Variants in PIK3R5 observed in about 807,000 individuals in gnomAD.
PIK3R5 encodes phosphoinositide 3-kinase regulatory subunit 5.
PIK3R5 carries 32 observed loss-of-function variants against 94.9 expected under a neutral mutation model. The observed-to-expected ratio is 0.34, with a 90% CI of 0.25 to 0.45. The LOEUF (loss-of-function observed/expected upper bound fraction) is 0.45. Among genes scored for constraint, PIK3R5 ranks in the 20% least tolerant of loss-of-function variants. The pLI, the probability that PIK3R5 is intolerant of heterozygous loss-of-function variation, is 1.00. For missense variants in PIK3R5, 853 were observed against 1,144.6 expected, an observed-to-expected ratio of 0.75 and a Z score of 3.68; for synonymous variants, 443 against 479.4, an observed-to-expected ratio of 0.92 and a Z score of 0.99.
At chr17:8,918,738 A>T (rs576881015) in intron 1 of PIK3R5, among the ~76,000 whole-genome samples, 4 of 152,318 alleles carry the variant, frequency 2.6e-5, no homozygotes, top group Non-Finnish European at 2.9e-5. Context: ...ATTACCACTT[A>T]TAAAGGGGAA....
chr17:8,957,442 T>A (rs1426608298), intron 1 of PIK3R5, among the ~76,000 whole-genome samples: 1 of 152,218 alleles, frequency 6.6e-6, no homozygotes, highest in Non-Finnish European at 1.5e-5. Context: ...TCGTCAAACA[T>A]CTGAAGACAG....
Position 8,885,659 on chromosome 17 carries a change from G to T in PIK3R5, c.2128+570C>A, listed in dbSNP as rs9674756. 7.0e-4 allele frequency among the ~76,000 whole-genome samples: 15 copies of T among 21,374 alleles called. 1 individual carries two copies. Among genetic ancestry groups the T allele is most frequent in the African/African-American group, 3.6e-3 (14 of 3,892 alleles). 14.0% of individuals were successfully genotyped at this position (21,374 alleles called of 152,430 possible). On this transcript the variant is annotated intron_variant, in intron 14 of 18. Transcript: ENST00000447110. The stretch of plus-strand genomic sequence containing the variant: ...CCTCCTGGGTAACCCCGCCTCCCCA[G>T]GGCCCCGCCTCCCCATGGCCCTGCC...
chr17:8,924,767 T>C (rs1411683125), intron 1 of PIK3R5, among the ~76,000 whole-genome samples: 1 of 152,204 alleles, frequency 6.6e-6, no homozygotes, highest in African/African-American at 2.4e-5. Context: ...GAAACCTCTC[T>C]AACAAGAAAA....
intron 1 of PIK3R5, among the ~76,000 whole-genome samples, chr17:8,913,274 A>C (rs144292958): frequency 1.3e-5 from 2 of 152,278 alleles, no homozygotes; most frequent in African/African-American, 4.8e-5. Context: ...CCCATGCCAC[A>C]GTCTGGGTGC....
chr17:8,879,999 G>A lies in PIK3R5; in HGVS notation c.*640C>T, dbSNP rs1329396809. ...CCAAAAGGAGATCAAGAGAGAATCTGTGCCGGGTTCTGAGAGTAGACAGGT... is the reference window on the plus strand; with the variant it reads ...CCAAAAGGAGATCAAGAGAGAATCTATGCCGGGTTCTGAGAGTAGACAGGT... On this transcript the variant is annotated 3_prime_UTR_variant, in exon 19 of 19. Transcript: ENST00000447110. The surrounding 1 kb of genome is among the most constrained non-coding windows in gnomAD (Gnocchi z 4.4). The A allele has an allele frequency of 6.6e-6, 1 of 152,226 alleles. No individual in the cohort carries two copies. Among genetic ancestry groups the A allele is most frequent in the Non-Finnish European group, 1.5e-5 (1 of 68,042 alleles). The allele number at this position is 152,226 out of a possible 1,614,324, so 9.4% of individuals were successfully genotyped here.
Position 8,881,615 on chromosome 17 carries a change from G to C in PIK3R5, c.2382+15C>G, listed in dbSNP as rs762747677. On this transcript the variant is annotated intron_variant, in intron 17 of 18. Coordinates refer to ENST00000447110, the MANE Select transcript of PIK3R5 (RefSeq NM_001142633.3). The surrounding 1 kb of genome is among the most constrained non-coding windows in gnomAD (Gnocchi z 4.8). ...TCTCTTGAGGGTATGGCTGGAAGGA[G>C]AGGGAAGCCCGTACCTGGTTAAAGC... 6.2e-7 allele frequency: 1 copy of C among 1,603,186 alleles called. No individual in the cohort carries two copies. The highest frequency in any genetic ancestry group is 8.5e-7 in the Non-Finnish European group (1 of 1,172,718).
intron 1 of PIK3R5, among the ~76,000 whole-genome samples, chr17:8,931,675 A>G (rs1313469163): frequency 2.0e-5 from 3 of 152,178 alleles, no homozygotes; most frequent in Non-Finnish European, 4.4e-5. Flanking sequence ...GCTCAAGAAG[A>G]CATTAGCTGA....
At position 8,892,937 on chromosome 17, in the gene PIK3R5, A is replaced by G. The variant is rs546766921; in HGVS notation, c.482+649T>C. Among the ~76,000 whole-genome samples the G allele has an allele frequency of 1.3e-5, 2 of 152,304 alleles. No homozygotes were observed. The highest frequency in any genetic ancestry group is 2.9e-5 in the Non-Finnish European group (2 of 68,020). ...TCTAGTGCTTTTCAAACTGCAGGTC[A>G]GGACACAGGAGTGGGTAATGAAATC... is the stretch of plus-strand genomic sequence containing the variant. On this transcript the variant is annotated intron_variant, in intron 6 of 18. Transcript: ENST00000447110. This position sits in a 1 kb window ranked among gnomAD's most constrained non-coding sequence, Gnocchi z 4.3.
At chr17:8,905,576 CT>C in intron 4 of PIK3R5, 92 bp downstream of exon 4, 1 of 847,450 alleles carries the variant, frequency 1.2e-6, no homozygotes, top group Non-Finnish European at 1.8e-6. Flanking sequence ...TCTCTCTCTG[CT>C]TATCTCCAGA....
intron 1 of PIK3R5, among the ~76,000 whole-genome samples, chr17:8,914,947 G>A (rs1384396554): frequency 6.6e-6 from 1 of 152,258 alleles, no homozygotes; most frequent in African/African-American, 2.4e-5. Flanking sequence ...TGGGAAATTG[G>A]TGGCACAGAG....
At chr17:8,923,648 G>A (rs1252004964) in intron 1 of PIK3R5, among the ~76,000 whole-genome samples, 2 of 152,118 alleles carry the variant, frequency 1.3e-5, no homozygotes, top group Non-Finnish European at 2.9e-5. Flanking sequence ...CGAATTCTTT[G>A]GGCACCTGGG....
In PIK3R5 at chr17:8,904,871, G is replaced by A. The variant is rs2151399739; in HGVS notation, c.318C>T (p.Ala106=). The A allele has an allele frequency of 1.2e-6, 2 of 1,613,970 alleles. No homozygotes were observed. Among genetic ancestry groups the A allele is most frequent in the East Asian group, 2.2e-5 (1 of 44,880 alleles). The change falls in exon 5 of 19, where the codon GCC becomes GCT. Residue 106 remains alanine, a synonymous_variant. Transcript: ENST00000447110. This position sits in a 1 kb window ranked among gnomAD's most constrained non-coding sequence, Gnocchi z 5.1. ...PPDSDLLLKA[A]STYHRFLTWP... ...AGGTCAGGAACCGGTGGTAGGTGCT[G>A]GCTGCCTTCAGAAGGAGATCCGAGT...
chr17:8,919,013 C>G (rs2151425700), intron 1 of PIK3R5, among the ~76,000 whole-genome samples: 1 of 152,286 alleles, frequency 6.6e-6, no homozygotes, highest in Non-Finnish European at 1.5e-5. Flanking sequence ...TAGACATTCA[C>G]TATGGTGAGT....
At position 8,881,499 on chromosome 17, in the gene PIK3R5, G is replaced by C. The variant is rs2089657470; in HGVS notation, c.2382+131C>G. 1.3e-6 allele frequency: 1 copy of C among 753,236 alleles called. No individual in the cohort carries two copies. Among genetic ancestry groups the C allele is most frequent in the Non-Finnish European group, 2.3e-6 (1 of 434,556 alleles). 46.7% of individuals were successfully genotyped at this position (753,236 alleles called of 1,614,324 possible). On this transcript the variant is annotated intron_variant, in intron 17 of 18. Coordinates refer to ENST00000447110, the MANE Select transcript of PIK3R5 (RefSeq NM_001142633.3). This position sits in a 1 kb window ranked among gnomAD's most constrained non-coding sequence, Gnocchi z 4.8. ...TCCTCTCTCTCTCACACACACACAA[G>C]TATGTACACACGGGTGTGTATGTGC...
chr17:8,933,875 C>T (rs1478452904), intron 1 of PIK3R5, among the ~76,000 whole-genome samples: 1 of 152,158 alleles, frequency 6.6e-6, no homozygotes, highest in African/African-American at 2.4e-5. Flanking sequence ...ATAACTACTT[C>T]ATGAATGCAT....
In PIK3R5 at chr17:8,959,592, G is replaced by A. The variant is rs78312034; in HGVS notation, c.-14+6004C>T. 8.7e-3 allele frequency among the ~76,000 whole-genome samples: 1,306 copies of A among 150,916 alleles called. 32 individuals are homozygous for A. Among genetic ancestry groups the A allele is most frequent in the African/African-American group, 0.031 (1,265 of 41,032 alleles). The stretch of plus-strand genomic sequence containing the variant: ...TGTAGATGTGATCTGGTTGCAGAAC[G>A]CTCCCCCAGGAGGCTGGCTGGCTCG... On this transcript the variant is annotated intron_variant, in intron 1 of 18. Transcript: ENST00000447110.
At position 8,884,908 on chromosome 17, in the gene PIK3R5, G is replaced by A; in HGVS notation, c.2129-125C>T. On this transcript the variant is annotated intron_variant, in intron 14 of 18. Transcript: ENST00000447110. This position sits in a 1 kb window ranked among gnomAD's most constrained non-coding sequence, Gnocchi z 5.8. ...ACCACATGGACCGTGACTCCCTAGG[G>A]ATCTGTCTCACCAAGGCCCTGCCTC... is the stretch of plus-strand genomic sequence containing the variant. 1.3e-6 allele frequency: 1 copy of A among 751,524 alleles called. No individual in the cohort carries two copies. Among genetic ancestry groups the A allele is most frequent in the Non-Finnish European group, 2.3e-6 (1 of 437,792 alleles). The allele number at this position is 751,524 out of a possible 1,614,324, so 46.6% of individuals were successfully genotyped here. A position where few individuals can be genotyped will look rare whatever the true frequency, so the allele number is the denominator to read the frequency against.
chr17:8,947,558 G>A (rs769018243), intron 1 of PIK3R5, among the ~76,000 whole-genome samples: 25 of 152,084 alleles, frequency 1.6e-4, no homozygotes, highest in Admixed American at 8.5e-4. Context: ...CAGAGAGGGT[G>A]GCTTAACAGG....
intron 14 of PIK3R5, among the ~76,000 whole-genome samples, 158 bp downstream of exon 14, chr17:8,886,071 C>T (rs988766818): frequency 1.4e-4 from 21 of 151,944 alleles, no homozygotes; most frequent in Non-Finnish European, 2.6e-4. Flanking sequence ...CACCCCATGG[C>T]CCCACCTCCC....
Sources: gnomAD v4.1 joint callset for allele counts (sites outside exome capture counted in the v4.1 genomes callset) on GRCh38, gnomAD v4.1.1 for gene constraint, Gnocchi (gnomAD v3.1) non-coding constraint, MANE v1.5 for transcripts, NCBI Gene and HGNC (gene_info 2026-07-23, HGNC 2026-07-21) for gene names.